BDH1: variants seen among roughly 807,000 people sequenced by gnomAD.
BDH1 encodes the protein D-beta-hydroxybutyrate dehydrogenase, mitochondrial.
A neutral mutation model predicts 33.1 loss-of-function variants in BDH1; 30 were observed. The observed-to-expected ratio is 0.91, with a 90% CI of 0.68 to 1.23. The LOEUF is 1.23. Ranked by LOEUF, BDH1 falls within the 50% of genes most tolerant of loss-of-function variation. The probability of loss-of-function intolerance (pLI) is 0.00; values close to 1 mark genes in which losing one functional copy is unlikely to be tolerated. For missense variants in BDH1, 443 were observed against 464.4 expected, an observed-to-expected ratio of 0.95 and a Z score of 0.42; for synonymous variants, 190 against 183.6, an observed-to-expected ratio of 1.03 and a Z score of -0.28.
At chr3:197,556,138 C>G (rs1245684961), upstream of BDH1, 1 of 152,196 alleles carries the variant, frequency 6.6e-6, no homozygotes, top group Non-Finnish European at 1.5e-5. Flanking sequence ...AGCCGGGCGC[C>G]AGATCCCCCG....
intron 1 of BDH1, among the ~76,000 whole-genome samples, chr3:197,563,939 T>C (rs1236242950): frequency 6.6e-6 from 1 of 151,804 alleles, no homozygotes; most frequent in Non-Finnish European, 1.5e-5. Context: ...CCATCTCTAC[T>C]AAAAATACAA....
rs1712477825 is a variant in BDH1 at position 197,514,515 on chromosome 3, G to C, written c.410-99C>G. ...AGCCTCCTCTCTGCTTCTTTCCTGTGACTTCCCAGCCTCTCGCCCAGTGCT... is the reference window on the plus strand; with the variant it reads ...AGCCTCCTCTCTGCTTCTTTCCTGTCACTTCCCAGCCTCTCGCCCAGTGCT... On this transcript the variant is annotated intron_variant, in intron 6 of 7. Coordinates refer to ENST00000392379, the MANE Select transcript of BDH1 (RefSeq NM_203314.3). The surrounding 1 kb of genome is among the most constrained non-coding windows in gnomAD (Gnocchi z 4.2). 7.3e-7 allele frequency: 1 copy of C among 1,361,404 alleles called. No homozygotes were observed. Among genetic ancestry groups the C allele is most frequent in the African/African-American group, 1.5e-5 (1 of 67,674 alleles). 84.3% of individuals were successfully genotyped at this position (1,361,404 alleles called of 1,614,324 possible).
chr3:197,526,136 A>AAT lies in BDH1; in HGVS notation c.268-3356_268-3355insAT, dbSNP rs1244834296. On this transcript the variant is annotated intron_variant, in intron 5 of 7. Transcript: ENST00000392379. The surrounding 1 kb of genome is among the most constrained non-coding windows in gnomAD (Gnocchi z 4.7). The stretch of plus-strand genomic sequence containing the variant: ...ACTCATTCTCAGACAGTGGACAGAG[A>AAT]GCCTCTTTGTTTTGGCATGAAGAGT... Among the ~76,000 whole-genome samples the AAT allele has an allele frequency of 4.8e-4, 73 of 152,270 alleles. No homozygotes were observed. The highest frequency in any genetic ancestry group is 3.4e-3 in the Middle Eastern group (1 of 294).
At chr3:197,533,238 C>A (rs573642267) in intron 4 of BDH1, among the ~76,000 whole-genome samples, 1 of 151,830 alleles carries the variant, frequency 6.6e-6, no homozygotes, top group South Asian at 2.1e-4. Flanking sequence ...TCGCCCCCCA[C>A]CTAGGCCTCC....
intron 1 of BDH1, among the ~76,000 whole-genome samples, chr3:197,564,934 G>C (rs1560348188): frequency 6.6e-6 from 1 of 151,998 alleles, no homozygotes; most frequent in Non-Finnish European, 1.5e-5. Flanking sequence ...GTTTTGTTTT[G>C]TTTTTGAGAT....
chr3:197,569,620 A>G (rs1717541910), intron 1 of BDH1, among the ~76,000 whole-genome samples: 1 of 152,088 alleles, frequency 6.6e-6, no homozygotes, highest in Admixed American at 6.6e-5. Context: ...CTCTCTTGGT[A>G]GTGAATAAAA....
chr3:197,550,773 A>ACAG (rs1480281957), intron 2 of BDH1, among the ~76,000 whole-genome samples: 2 of 152,224 alleles, frequency 1.3e-5, no homozygotes, highest in African/African-American at 4.8e-5. Flanking sequence ...GAGAAAAGCA[A>ACAG]CAGCAGCAGC....
chr3:197,568,520 G>A (rs146114003), intron 1 of BDH1, among the ~76,000 whole-genome samples: 2 of 152,072 alleles, frequency 1.3e-5, no homozygotes, highest in African/African-American at 4.8e-5. Context: ...AACTGGAGGA[G>A]CTGCCTTTTC....
rs141015430 is a variant in BDH1 at position 197,550,421 on chromosome 3, G to A, written c.-43-3935C>T. 2.6e-3 allele frequency among the ~76,000 whole-genome samples: 399 copies of A among 152,216 alleles called. 6 individuals carry two copies. The highest frequency in any genetic ancestry group is 1.5e-3 in the East Asian group (8 of 5,180). On this transcript the variant is annotated intron_variant, in intron 2 of 7. Transcript: ENST00000392379. ...ATACACTCTGCAGTGACTACCTTTC[G>A]GGGGTCTGTCCTGCTCACCTGATGT...
At chr3:197,557,425 G>C (rs1717102426), upstream of BDH1, among the ~76,000 whole-genome samples, 1 of 152,236 alleles carries the variant, frequency 6.6e-6, no homozygotes, top group South Asian at 2.1e-4. This position sits in a 1 kb window ranked among gnomAD's most constrained non-coding sequence, Gnocchi z 4.6. Context: ...ACAGGAGGAG[G>C]GAAGTACTGG....
chr3:197,519,074 A>G (rs1384708709), intron 6 of BDH1, among the ~76,000 whole-genome samples: 1 of 124,368 alleles, frequency 8.0e-6, no homozygotes, highest in Non-Finnish European at 1.6e-5. Context: ...TTCCTGCTCT[A>G]TGGTCTCCAT....
chr3:197,548,284 C>G (rs1716259607), intron 2 of BDH1, among the ~76,000 whole-genome samples: 1 of 152,298 alleles, frequency 6.6e-6, no homozygotes, highest in Non-Finnish European at 1.5e-5. Context: ...TGAGGCACCC[C>G]CTCCCACCAT....
At chr3:197,535,424 C>A (rs1442671043) in intron 3 of BDH1, among the ~76,000 whole-genome samples, 3 of 152,156 alleles carry the variant, frequency 2.0e-5, no homozygotes, top group African/African-American at 7.2e-5. Context: ...CACTTGGACT[C>A]GGAATCAGGA....
Position 197,522,446 on chromosome 3 carries a change from CTG to C in BDH1, c.409+192_409+193del, listed in dbSNP as rs1468510890. On this transcript the variant is annotated intron_variant, in intron 6 of 7. Coordinates refer to ENST00000392379, the MANE Select transcript of BDH1 (RefSeq NM_203314.3). This position sits in a 1 kb window ranked among gnomAD's most constrained non-coding sequence, Gnocchi z 4.8. ...CGTGAACTCTGAAATCACCTCCTGA[CTG>C]TATTTTTCCATTGCCCTATTGCACG... Among the ~76,000 whole-genome samples, 2 of 152,210 alleles carry C rather than the reference CTG, an allele frequency of 1.3e-5. No homozygotes were observed. The highest frequency in any genetic ancestry group is 6.5e-5 in the Admixed American group (1 of 15,278).
rs2108758383 is a variant in BDH1 at position 197,546,458 on chromosome 3, T to A, written c.-15A>T. 6.2e-7 allele frequency: 1 copy of A among 1,613,486 alleles called. No homozygotes were observed. Among genetic ancestry groups the A allele is most frequent in the East Asian group, 2.2e-5 (1 of 44,876 alleles). On this transcript the variant is annotated 5_prime_UTR_variant, in exon 3 of 8. Transcript: ENST00000392379. ...GTGGCCAGCATGGTAGCAACGGGTG[T>A]TAGAATGGCCCAGTTCCTCCCGGTG...
At chr3:197,537,347 C>T (rs1391500155) in intron 3 of BDH1, among the ~76,000 whole-genome samples, 1 of 152,162 alleles carries the variant, frequency 6.6e-6, no homozygotes, top group African/African-American at 2.4e-5. Flanking sequence ...TACAGAAATG[C>T]AATTGATTTT....
At position 197,524,935 on chromosome 3, in the gene BDH1, C is replaced by T. The variant is rs1713943907; in HGVS notation, c.268-2154G>A. On this transcript the variant is annotated intron_variant, in intron 5 of 7. Coordinates refer to ENST00000392379, the MANE Select transcript of BDH1 (RefSeq NM_203314.3). ...CTTTGAAAAGGCACTGTGGCGTGGC[C>T]CGCTAAGTCTCTGCAGAGGCACCAG... Among the ~76,000 whole-genome samples, 3 of 152,144 alleles carry T rather than the reference C, an allele frequency of 2.0e-5. No homozygotes were observed. The South Asian group carries it at 6.2e-4, about 32-fold the overall frequency.
rs1713596374 is a variant in BDH1, at chr3:197,521,974, G to C, written c.409+666C>G. Among the ~76,000 whole-genome samples the C allele has an allele frequency of 6.6e-6, 1 of 152,066 alleles. No individual in the cohort carries two copies. The highest frequency in any genetic ancestry group is 1.5e-5 in the Non-Finnish European group (1 of 68,016). On this transcript the variant is annotated intron_variant, in intron 6 of 7. Transcript: ENST00000392379. This position sits in a 1 kb window ranked among gnomAD's most constrained non-coding sequence, Gnocchi z 4.9. ...GAGACCAGCCATGTTCCCTCGCCTG[G>C]GATCCAAGACCTCCCTCCCCAACCT...
intron 2 of BDH1, among the ~76,000 whole-genome samples, chr3:197,553,267 A>T (rs1203687997): frequency 6.8e-6 from 1 of 146,718 alleles, no homozygotes; most frequent in Non-Finnish European, 1.5e-5. Context: ...GTGGTGGCTC[A>T]CGCCTGTAAT....
Sources: gnomAD v4.1 joint callset for allele counts (sites outside exome capture counted in the v4.1 genomes callset) on GRCh38, gnomAD v4.1.1 for gene constraint, Gnocchi (gnomAD v3.1) non-coding constraint, MANE v1.5 for transcripts, NCBI Gene and HGNC (gene_info 2026-07-23, HGNC 2026-07-21) for gene names.